Variants in VTI1A observed in about 807,000 individuals in gnomAD.
The protein encoded by VTI1A is vesicle transport through interaction with t-SNAREs 1A, also known as vesicle transport through interaction with t-SNAREs homolog 1A.
A neutral mutation model predicts 34.9 loss-of-function variants in VTI1A; 22 were observed. The observed-to-expected ratio is 0.63, with a 90% CI of 0.45 to 0.90. VTI1A has a LOEUF of 0.90. VTI1A is among the 40% of genes least tolerant of loss of function. The pLI, the probability that VTI1A is intolerant of heterozygous loss-of-function variation, is 0.00. For missense variants in VTI1A, 268 were observed against 275.6 expected, an observed-to-expected ratio of 0.97 and a Z score of 0.20; for synonymous variants, 87 against 97.3, an observed-to-expected ratio of 0.89 and a Z score of 0.62.
chr10:112,494,365 T>G (rs887347164), intron 3 of VTI1A, among the ~76,000 whole-genome samples: 1 of 152,162 alleles, frequency 6.6e-6, no homozygotes, highest in Non-Finnish European at 1.5e-5. Flanking sequence ...ATTATTTATC[T>G]GTTTTCTGTT....
intron 7 of VTI1A, among the ~76,000 whole-genome samples, chr10:112,785,133 C>T (rs1197001327): frequency 6.6e-6 from 1 of 152,174 alleles, no homozygotes; most frequent in African/African-American, 2.4e-5. Flanking sequence ...GTAATGTTTT[C>T]CCACACATGC....
intron 7 of VTI1A, among the ~76,000 whole-genome samples, chr10:112,713,743 G>T (rs935806483): frequency 6.6e-6 from 1 of 152,172 alleles, no homozygotes; most frequent in African/African-American, 2.4e-5. Flanking sequence ...AATTATCAGT[G>T]ATGTTTTCAG....
chr10:112,478,069 A>G (rs1368508926), intron 3 of VTI1A, among the ~76,000 whole-genome samples: 1 of 152,204 alleles, frequency 6.6e-6, no homozygotes, highest in Non-Finnish European at 1.5e-5. Flanking sequence ...TAACCATTTC[A>G]TCTTTGTATG....
Position 112,629,995 on chromosome 10 carries a change from AGAGTT to A in VTI1A, c.428-38219_428-38215del, listed in dbSNP as rs1343853066. Among the ~76,000 whole-genome samples the A allele has an allele frequency of 6.6e-5, 10 of 152,314 alleles. No individual in the cohort carries two copies. In the East Asian group the frequency reaches 7.7e-4, roughly 12 times the overall value. On this transcript the variant is annotated intron_variant, in intron 5 of 7. Coordinates refer to ENST00000393077, the MANE Select transcript of VTI1A (RefSeq NM_145206.4). Reference sequence around the variant, plus strand: ...GTTTTATAGTATTAAAACTGAGAGTAGAGTTGAGAGGGACTCTAGTATGTTAAAGA... The same window carrying A: ...GTTTTATAGTATTAAAACTGAGAGTAGAGAGGGACTCTAGTATGTTAAAGA...
At chr10:112,454,349 A>AT (rs1236410778) in intron 1 of VTI1A, among the ~76,000 whole-genome samples, 2 of 152,174 alleles carry the variant, frequency 1.3e-5, no homozygotes, top group African/African-American at 4.8e-5. Flanking sequence ...ATTGAGTAGG[A>AT]AATGAGAGGC....
intron 7 of VTI1A, among the ~76,000 whole-genome samples, chr10:112,743,817 T>A (rs917594834): frequency 3.3e-5 from 5 of 152,150 alleles, no homozygotes; most frequent in Admixed American, 2.0e-4. Flanking sequence ...AATCAAATAT[T>A]TTAGAAATAA....
intron 7 of VTI1A, among the ~76,000 whole-genome samples, chr10:112,771,933 C>T (rs1851825351): frequency 6.6e-6 from 1 of 152,196 alleles, no homozygotes; most frequent in East Asian, 1.9e-4. Flanking sequence ...TATACCATGC[C>T]ACATTTTGTT....
intron 7 of VTI1A, among the ~76,000 whole-genome samples, chr10:112,808,856 A>G (rs944278602): frequency 6.6e-6 from 1 of 152,098 alleles, no homozygotes; most frequent in South Asian, 2.1e-4. Flanking sequence ...CTCGTCCGGT[A>G]TGGTAGTAAG....
At chr10:112,691,716 G>A (rs1848624167) in intron 7 of VTI1A, among the ~76,000 whole-genome samples, 1 of 152,198 alleles carries the variant, frequency 6.6e-6, no homozygotes, top group Admixed American at 6.5e-5. Context: ...TTCCTGATGG[G>A]AGGGTACATT....
intron 7 of VTI1A, among the ~76,000 whole-genome samples, chr10:112,808,640 A>G (rs903337230): frequency 1.5e-4 from 23 of 152,068 alleles, no homozygotes; most frequent in Admixed American, 5.2e-4. Flanking sequence ...AAAAAAAAAA[A>G]AAAAGAAAGC....
chr10:112,541,002 A>C (rs1850845705), intron 5 of VTI1A, among the ~76,000 whole-genome samples: 1 of 152,238 alleles, frequency 6.6e-6, no homozygotes, highest in Admixed American at 6.5e-5. Flanking sequence ...AGTAGAACAT[A>C]GTGACTTTCT....
downstream of VTI1A, among the ~76,000 whole-genome samples, chr10:112,820,265 A>G (rs1195710648): frequency 6.6e-6 from 1 of 152,222 alleles, no homozygotes; most frequent in Non-Finnish European, 1.5e-5. Context: ...CCATTTTTCC[A>G]AAAGGAAGAA....
intron 7 of VTI1A, among the ~76,000 whole-genome samples, chr10:112,673,468 GCACA>G (rs150053497): frequency 1.3e-5 from 2 of 151,562 alleles, no homozygotes; most frequent in African/African-American, 2.4e-5. Context: ...GCGTGCGCGC[GCACA>G]CACACACACA....
At chr10:112,615,333 A>C (rs1257795319) in intron 5 of VTI1A, among the ~76,000 whole-genome samples, 1 of 152,254 alleles carries the variant, frequency 6.6e-6, no homozygotes, top group Non-Finnish European at 1.5e-5. Context: ...AGTGATATAA[A>C]TTAGTATTTA....
At chr10:112,645,079 C>T (rs1206108433) in intron 5 of VTI1A, among the ~76,000 whole-genome samples, 2 of 152,150 alleles carry the variant, frequency 1.3e-5, no homozygotes, top group Admixed American at 6.5e-5. Context: ...TTTTAACATT[C>T]GTTTTTCAAA....
intron 5 of VTI1A, among the ~76,000 whole-genome samples, chr10:112,556,544 A>G (rs931660270): frequency 6.6e-6 from 1 of 152,010 alleles, no homozygotes; most frequent in African/African-American, 2.4e-5. Context: ...CTCTCAACCC[A>G]TTAATGCTCA....
At chr10:112,748,595 C>CT (rs746355549) in intron 7 of VTI1A, among the ~76,000 whole-genome samples, 86 of 89,824 alleles carry the variant, frequency 9.6e-4, no homozygotes, top group South Asian at 1.6e-3. Flanking sequence ...ACCTGTTACT[C>CT]TTTTTTTTTT....
chr10:112,554,066 A>G (rs1295982310), intron 5 of VTI1A, among the ~76,000 whole-genome samples: 1 of 152,164 alleles, frequency 6.6e-6, no homozygotes, highest in Non-Finnish European at 1.5e-5. Context: ...TCTTTTCCAT[A>G]TTAATAGATA....
At chr10:112,581,602 AATTATGATGATGATGATTG>A (rs937659140) in intron 5 of VTI1A, among the ~76,000 whole-genome samples, 5 of 152,224 alleles carry the variant, frequency 3.3e-5, no homozygotes, top group East Asian at 1.9e-4. Flanking sequence ...GCTCTTGATA[AATTATGATGATGATGATTG>A]ATTATGATGA....
Sources: allele counts gnomAD v4.1 joint callset (sites outside exome capture counted in the v4.1 genomes callset), GRCh38; gene constraint gnomAD v4.1.1; transcripts MANE v1.5; gene names NCBI Gene and HGNC (gene_info 2026-07-23, HGNC 2026-07-21).